CCDC146: variants seen among roughly 807,000 people sequenced by gnomAD.
The protein encoded by CCDC146 is coiled-coil domain-containing protein 146.
In CCDC146, 92 loss-of-function variants were observed where a neutral mutation model predicts 119.3. The observed-to-expected ratio is 0.77, with a 90% CI of 0.65 to 0.92. The LOEUF is 0.92. CCDC146 is among the 40% of genes least tolerant of loss of function. The probability of loss-of-function intolerance (pLI) is 0.00; values close to 1 mark genes in which losing one functional copy is unlikely to be tolerated. For synonymous variants in CCDC146, 372 were observed against 371.8 expected, an observed-to-expected ratio of 1.00 and a Z score of -0.01; for missense variants, 1,000 against 1,103.0, an observed-to-expected ratio of 0.91 and a Z score of 1.32.
intron 2 of CCDC146, among the ~76,000 whole-genome samples, chr7:77,217,555 A>G (rs896002634): frequency 9.8e-5 from 13 of 133,078 alleles, no homozygotes; most frequent in Admixed American, 4.6e-4. Context: ...ATATACATAT[A>G]TATATATAGA....
At chr7:77,211,816 A>T (rs1210401470) in intron 2 of CCDC146, among the ~76,000 whole-genome samples, 1 of 152,048 alleles carries the variant, frequency 6.6e-6, no homozygotes, top group East Asian at 1.9e-4. Flanking sequence ...GGGTTTCACC[A>T]TGTTGGCCAG....
intron 2 of CCDC146, among the ~76,000 whole-genome samples, chr7:77,227,083 A>G (rs1229750142): frequency 2.0e-5 from 3 of 152,194 alleles, no homozygotes; most frequent in South Asian, 2.1e-4. Flanking sequence ...CTGAACATCT[A>G]TGACTTTACC....
intron 2 of CCDC146, chr7:77,199,757 C>CAGCTG (rs1465843138): frequency 6.2e-7 from 1 of 1,614,088 alleles, no homozygotes; most frequent in Non-Finnish European, 8.5e-7. Context: ...GTGGCAAGAA[C>CAGCTG]AGCTGAGCTC....
At chr7:77,146,746 C>G (rs780445855) in intron 1 of CCDC146, among the ~76,000 whole-genome samples, 6 of 152,210 alleles carry the variant, frequency 3.9e-5, no homozygotes, top group Non-Finnish European at 8.8e-5. Flanking sequence ...CCCCCACTAA[C>G]TTCTGGCTTG....
In CCDC146 at chr7:77,181,677, A is replaced by C. The variant is rs192532081; in HGVS notation, c.156+13853A>C. Among the ~76,000 whole-genome samples, 16 of 152,284 alleles carry C rather than the reference A, an allele frequency of 1.1e-4. No homozygotes were observed. The East Asian group carries it at 2.9e-3, about 28-fold the overall frequency. On this transcript the variant is annotated intron_variant, in intron 2 of 18. Coordinates refer to ENST00000285871, the MANE Select transcript of CCDC146 (RefSeq NM_020879.3). Reference sequence around the variant, plus strand: ...GTACATTCATAGGAACTCTTGATACATTTAGAAAGTAGGCCTTTGTGTACA... The same window carrying C: ...GTACATTCATAGGAACTCTTGATACCTTTAGAAAGTAGGCCTTTGTGTACA...
At chr7:77,277,355 A>G (rs750794038) in intron 11 of CCDC146, among the ~76,000 whole-genome samples, 1 of 152,252 alleles carries the variant, frequency 6.6e-6, no homozygotes, top group Non-Finnish European at 1.5e-5. Flanking sequence ...ATGTATATCT[A>G]TGTGTGACTA....
At chr7:77,256,820 C>T (rs912721447) in intron 6 of CCDC146, among the ~76,000 whole-genome samples, 2 of 152,168 alleles carry the variant, frequency 1.3e-5, no homozygotes, top group African/African-American at 4.8e-5. Context: ...GAAGAACAAC[C>T]ATGGCCAGGC....
intron 1 of CCDC146, among the ~76,000 whole-genome samples, chr7:77,161,692 A>G (rs1791264510): frequency 6.6e-6 from 1 of 151,094 alleles, no homozygotes; most frequent in African/African-American, 2.4e-5. Context: ...ATGCTAAATG[A>G]CGAGTTAATG....
At chr7:77,188,873 C>T (rs990653629) in intron 2 of CCDC146, among the ~76,000 whole-genome samples, 6 of 152,156 alleles carry the variant, frequency 3.9e-5, no homozygotes, top group Admixed American at 1.3e-4. Context: ...GTCACTGGCA[C>T]CTCTTGAATG....
intron 5 of CCDC146, 56 bp from the exon 6 acceptor site, chr7:77,256,277 G>C: frequency 7.7e-7 from 1 of 1,299,174 alleles, no homozygotes; most frequent in Non-Finnish European, 1.1e-6. Flanking sequence ...TCAGTTTTTA[G>C]GTAGATAAAT....
chr7:77,206,104 A>G (rs1025790434), intron 2 of CCDC146, among the ~76,000 whole-genome samples: 2 of 152,228 alleles, frequency 1.3e-5, no homozygotes, highest in Admixed American at 1.3e-4. Context: ...AGGTCCCACA[A>G]GTATTAATTT....
At chr7:77,285,369 C>T (rs1046683150) in intron 15 of CCDC146, among the ~76,000 whole-genome samples, 1 of 152,058 alleles carries the variant, frequency 6.6e-6, no homozygotes, top group African/African-American at 2.4e-5. Context: ...ATGTACACTT[C>T]AATTCTATAT....
chr7:77,264,961 C>T (rs989701967), intron 9 of CCDC146, among the ~76,000 whole-genome samples: 4 of 152,222 alleles, frequency 2.6e-5, no homozygotes, highest in African/African-American at 9.6e-5. Context: ...ACTTCCAAGA[C>T]AGTGCTAATA....
intron 16 of CCDC146, 86 bp downstream of exon 16, chr7:77,287,012 T>G: frequency 7.2e-7 from 1 of 1,390,088 alleles, no homozygotes; most frequent in Non-Finnish European, 1.0e-6. Flanking sequence ...CATGTTATGC[T>G]GACAGACCTA....
chr7:77,199,811 C>G (rs754496549), intron 2 of CCDC146: 22 of 1,606,816 alleles, frequency 1.4e-5, no homozygotes, highest in Non-Finnish European at 1.9e-5. Flanking sequence ...GTGCTGCTCA[C>G]CCCAGCAGGG....
At chr7:77,188,259 T>A (rs777138778) in intron 2 of CCDC146, among the ~76,000 whole-genome samples, 1 of 152,164 alleles carries the variant, frequency 6.6e-6, no homozygotes, top group Non-Finnish European at 1.5e-5. Context: ...CTGGTGTGAT[T>A]ATTATGCATT....
chr7:77,265,205 C>CCATT (rs1481669964), intron 9 of CCDC146, among the ~76,000 whole-genome samples: 2 of 152,194 alleles, frequency 1.3e-5, no homozygotes, highest in Non-Finnish European at 2.9e-5. Flanking sequence ...GTTATAATGT[C>CCATT]CATTCAAAGT....
chr7:77,274,792 A>G (rs916205222), intron 11 of CCDC146, 140 bp downstream of exon 11: 2 of 613,102 alleles, frequency 3.3e-6, no homozygotes, highest in Non-Finnish European at 5.6e-6. Context: ...AAAACCAAAC[A>G]TTGCATGTTC....
intron 3 of CCDC146, 66 bp from the exon 4 acceptor site, chr7:77,241,625 C>G: frequency 2.1e-6 from 3 of 1,403,434 alleles, no homozygotes; most frequent in Non-Finnish European, 3.0e-6. Flanking sequence ...CTCACTAGAC[C>G]CCCACAGGAG....
Sources: gnomAD v4.1 joint callset for allele counts (sites outside exome capture counted in the v4.1 genomes callset) on GRCh38, gnomAD v4.1.1 for gene constraint, MANE v1.5 for transcripts, NCBI Gene and HGNC (gene_info 2026-07-23, HGNC 2026-07-21) for gene names.